The following PHACTR3 variants were observed in gnomAD, a reference collection of about 807,000 sequenced individuals.
PHACTR3 encodes phosphatase and actin regulator 3.
A neutral mutation model predicts 66.8 loss-of-function variants in PHACTR3; 16 were observed. The observed-to-expected ratio is 0.24, with a 90% CI of 0.16 to 0.36. The LOEUF is 0.36. PHACTR3 is among the 10% of genes least tolerant of loss of function. The probability of loss-of-function intolerance (pLI) is 1.00; values close to 1 mark genes in which losing one functional copy is unlikely to be tolerated. For synonymous variants in PHACTR3, 323 were observed against 292.1 expected (o/e 1.11, Z -1.08); for missense variants, 647 against 719.9 (o/e 0.90, Z 1.16).
intron 8 of PHACTR3, among the ~76,000 whole-genome samples, chr20:59,814,429 T>C (rs2041830561): frequency 6.6e-6 from 1 of 152,106 alleles, no homozygotes; most frequent in Admixed American, 6.6e-5. Context: ...AAAGGTTATA[T>C]GTCCAAAGGG....
chr20:59,785,871 C>A (rs1473395779), intron 7 of PHACTR3, among the ~76,000 whole-genome samples: 1 of 44,096 alleles, frequency 2.3e-5, no homozygotes, highest in South Asian at 7.5e-4. Flanking sequence ...GCTTCTGCAT[C>A]CCCTACTTCA....
chr20:59,774,489 T>C lies in PHACTR3; in HGVS notation c.1173T>C (p.Ser391=). The change falls in exon 7 of 13, where the codon TCT becomes TCC. Residue 391 remains serine (S), a splice_region_variant and synonymous_variant. Transcript: ENST00000371015. ...DEEALNDSII[S]GTLPRKCKKE... is the part of the protein sequence containing the mutation. ...AGGCGCTGAACGACTCCATTATTTC[T>C]GGTGAGGAAAGGATGGCCCATTAAG... 5.6e-6 allele frequency: 9 copies of C among 1,613,256 alleles called. No homozygotes were observed. The highest frequency in any genetic ancestry group is 7.6e-6 in the Non-Finnish European group (9 of 1,179,578).
intron 1 of PHACTR3, among the ~76,000 whole-genome samples, chr20:59,609,693 G>A (rs2146341701): frequency 6.6e-6 from 1 of 152,282 alleles, no homozygotes; most frequent in East Asian, 1.9e-4. Flanking sequence ...AGCCTCTTTT[G>A]TCTGTACCAT....
intron 1 of PHACTR3, among the ~76,000 whole-genome samples, chr20:59,671,450 G>A (rs1330295986): frequency 2.0e-5 from 3 of 152,210 alleles, no homozygotes; most frequent in Non-Finnish European, 4.4e-5. Flanking sequence ...TTAGTTGGTG[G>A]AAAGGAAAGG....
chr20:59,619,371 G>A (rs2034154170), intron 1 of PHACTR3, among the ~76,000 whole-genome samples: 1 of 152,144 alleles, frequency 6.6e-6, no homozygotes, highest in Non-Finnish European at 1.5e-5. Context: ...GGAAGGGAAT[G>A]TGAGTGACCT....
intron 7 of PHACTR3, among the ~76,000 whole-genome samples, chr20:59,800,238 C>T (rs948161025): frequency 2.0e-5 from 3 of 151,976 alleles, no homozygotes; most frequent in African/African-American, 7.3e-5. Flanking sequence ...TTGTGGTTAC[C>T]ATTTCTATTA....
chr20:59,841,713 G>A (rs1017484434), intron 11 of PHACTR3, among the ~76,000 whole-genome samples, 178 bp downstream of exon 11: 1 of 152,166 alleles, frequency 6.6e-6, no homozygotes, highest in African/African-American at 2.4e-5. Context: ...TTCTCAGCTA[G>A]GTGACAGTTT....
chr20:59,816,285 C>T (rs1591810), intron 8 of PHACTR3, among the ~76,000 whole-genome samples: 2,615 of 152,260 alleles, frequency 0.017, 31 homozygotes, highest in Middle Eastern at 0.041. Context: ...AATGCTTGCT[C>T]GCCACTACTC....
intron 1 of PHACTR3, among the ~76,000 whole-genome samples, chr20:59,668,869 T>TA (rs1162233468): frequency 1.2e-4 from 17 of 142,582 alleles, no homozygotes; most frequent in African/African-American, 4.0e-4. Flanking sequence ...CACAGCTAAT[T>TA]TTTTTATTTT....
intron 4 of PHACTR3, among the ~76,000 whole-genome samples, chr20:59,763,851 G>T (rs1466832869): frequency 6.6e-6 from 1 of 152,178 alleles, no homozygotes; most frequent in East Asian, 1.9e-4. Context: ...AGGGGAAAGT[G>T]TTAAAGATGG....
chr20:59,642,945 T>G (rs2035157432), intron 1 of PHACTR3, among the ~76,000 whole-genome samples: 1 of 152,178 alleles, frequency 6.6e-6, no homozygotes, highest in Non-Finnish European at 1.5e-5. Context: ...AGAGTCTCAC[T>G]CTGTCGCCCA....
chr20:59,748,981 G>GA (rs1263146245), intron 3 of PHACTR3, among the ~76,000 whole-genome samples: 2 of 152,140 alleles, frequency 1.3e-5, no homozygotes, highest in Non-Finnish European at 2.9e-5. Context: ...CTTTAGACTC[G>GA]AAGAGTGAAG....
chr20:59,784,718 C>A (rs2040845836), intron 7 of PHACTR3, among the ~76,000 whole-genome samples: 2 of 152,206 alleles, frequency 1.3e-5, no homozygotes, highest in African/African-American at 2.4e-5. Flanking sequence ...CCAAGTCACT[C>A]ACCTCCTGGC....
intron 5 of PHACTR3, among the ~76,000 whole-genome samples, chr20:59,770,882 G>C (rs530545358): frequency 5.9e-5 from 9 of 152,322 alleles, no homozygotes; most frequent in African/African-American, 2.2e-4. Flanking sequence ...TCAACTCTGC[G>C]GGATGGGAGT....
chr20:59,662,384 C>T (rs1050523410), intron 1 of PHACTR3, among the ~76,000 whole-genome samples: 6 of 151,958 alleles, frequency 3.9e-5, no homozygotes, highest in African/African-American at 1.5e-4. Context: ...GGGGAGCATT[C>T]CCTAGATGAG....
At chr20:59,740,985 C>A (rs2039137914) in intron 1 of PHACTR3, among the ~76,000 whole-genome samples, 1 of 152,226 alleles carries the variant, frequency 6.6e-6, no homozygotes, top group South Asian at 2.1e-4. Flanking sequence ...GGAGTGTGAC[C>A]CCTTCCCTGG....
At chr20:59,713,853 G>A (rs2037994324) in intron 1 of PHACTR3, among the ~76,000 whole-genome samples, 1 of 151,900 alleles carries the variant, frequency 6.6e-6, no homozygotes, top group Non-Finnish European at 1.5e-5. Flanking sequence ...TTGAACCACG[G>A]TCAACTCCCA....
intron 7 of PHACTR3, among the ~76,000 whole-genome samples, chr20:59,800,698 A>C (rs1184502624): frequency 6.6e-6 from 1 of 152,164 alleles, no homozygotes; most frequent in Non-Finnish European, 1.5e-5. Flanking sequence ...CAGGCATGGT[A>C]ATTTTTTATT....
At chr20:59,621,954 A>G (rs921875620) in intron 1 of PHACTR3, among the ~76,000 whole-genome samples, 1 of 152,340 alleles carries the variant, frequency 6.6e-6, no homozygotes, top group South Asian at 2.1e-4. Context: ...TTTTAAGGTC[A>G]ACTTTGCCAT....
Sources: allele counts gnomAD v4.1 joint callset (sites outside exome capture counted in the v4.1 genomes callset), GRCh38; gene constraint gnomAD v4.1.1; transcripts MANE v1.5; gene names NCBI Gene and HGNC (gene_info 2026-07-23, HGNC 2026-07-21).